Variants in PHC2 observed in about 807,000 individuals in gnomAD.
PHC2 encodes the protein polyhomeotic-like protein 2.
PHC2 carries 29 observed loss-of-function variants against 87.4 expected under a neutral mutation model. The ratio of observed to expected loss-of-function variants is 0.33; its 90% confidence interval spans 0.25 to 0.45. The LOEUF (loss-of-function observed/expected upper bound fraction) is 0.45. Among genes scored for constraint, PHC2 ranks in the 20% least tolerant of loss-of-function variants. The pLI, the probability that PHC2 is intolerant of heterozygous loss-of-function variation, is 1.00. For synonymous variants in PHC2, 438 were observed against 461.7 expected, an observed-to-expected ratio of 0.95 and a Z score of 0.66; for missense variants, 857 against 1,136.7, an observed-to-expected ratio of 0.75 and a Z score of 3.54.
intron 7 of PHC2, among the ~76,000 whole-genome samples, chr1:33,357,524 T>C (rs1020566097): frequency 6.6e-6 from 1 of 152,102 alleles, no homozygotes; most frequent in Admixed American, 6.6e-5. Context: ...AGGGGTTTAG[T>C]ATGGATGATA....
At chr1:33,410,030 T>C (rs535741321) in intron 1 of PHC2, among the ~76,000 whole-genome samples, 42 of 152,360 alleles carry the variant, frequency 2.8e-4, no homozygotes, top group African/African-American at 1.0e-3. Flanking sequence ...TTTTGTATAG[T>C]GCCGGTCAAT....
intron 1 of PHC2, among the ~76,000 whole-genome samples, chr1:33,428,148 G>C (rs1026409774): frequency 2.0e-5 from 3 of 152,230 alleles, no homozygotes; most frequent in African/African-American, 7.2e-5. Context: ...AGAAACTGAA[G>C]TCAAAGTCAT....
Position 33,364,005 on chromosome 1 carries a change from C to T in PHC2, c.976+3111G>A, listed in dbSNP as rs1292758961. 10 of 530,656 alleles carry T rather than the reference C, an allele frequency of 1.9e-5. No individual in the cohort carries two copies. Among genetic ancestry groups the T allele is most frequent in the Non-Finnish European group, 2.2e-5 (9 of 414,394 alleles). 32.9% of individuals were successfully genotyped at this position (530,656 alleles called of 1,614,324 possible). ...CTCCGCCCCTTACTCCCCTCCCCCA[C>T]CTGCTCCCCCACCCCTATTCTCGGC... On this transcript the variant is annotated intron_variant, in intron 7 of 14. Coordinates refer to ENST00000683057, the MANE Select transcript of PHC2 (RefSeq NM_001385109.1). This position sits in a 1 kb window ranked among gnomAD's most constrained non-coding sequence, Gnocchi z 4.1.
At chr1:33,335,200 T>C in intron 9 of PHC2, 2 of 985,422 alleles carry the variant, frequency 2.0e-6, no homozygotes, top group Non-Finnish European at 2.4e-6. Flanking sequence ...ACTTCCTCTC[T>C]TCCACTTCAA....
At chr1:33,422,216 C>G (rs1214908646) in intron 1 of PHC2, among the ~76,000 whole-genome samples, 1 of 152,154 alleles carries the variant, frequency 6.6e-6, no homozygotes, top group Non-Finnish European at 1.5e-5. Context: ...AAGCAGGGAC[C>G]ATACTTCTAT....
intron 1 of PHC2, among the ~76,000 whole-genome samples, chr1:33,403,123 CT>C (rs34887101): frequency 2.3e-3 from 172 of 74,644 alleles, no homozygotes; most frequent in East Asian, 9.8e-3. Flanking sequence ...GCCCGGCCCA[CT>C]TTTTTTTTTT....
At chr1:33,379,335 ACCCCCCCACCGCCCC>A (rs1648358679) in intron 1 of PHC2, among the ~76,000 whole-genome samples, 2 of 12,234 alleles carry the variant, frequency 1.6e-4, no homozygotes, top group African/African-American at 6.7e-4. Flanking sequence ...CCTGCCCCCC[ACCCCCCCACCGCCCC>A]CTGCCCCCCC....
rs573125100 is a variant in PHC2, at chr1:33,328,937, G to T, written c.2358C>A (p.His786Gln). Residue 786 changes from histidine to glutamine, a missense_variant, in exon 14 of 15, where the codon CAC becomes CAA. This residue lies in a region of PHC2 where 832 missense variants were observed against 1,081.8 expected (regional missense o/e 0.77). Coordinates refer to ENST00000683057, the MANE Select transcript of PHC2 (RefSeq NM_001385109.1). Reference protein sequence around the residue: ...HMRDLVGMGHHFLPSEPTKWN... With the variant: ...HMRDLVGMGHQFLPSEPTKWN... ...ACTTGGTGGGCTCACTTGGCAGGAA[G>T]TGGTGTCCCATGCCCACCAGGTCCC... 1.2e-6 allele frequency: 2 copies of T among 1,614,052 alleles called. No homozygotes were observed. The highest frequency in any genetic ancestry group is 2.7e-5 in the African/African-American group (2 of 75,054).
Position 33,331,378 on chromosome 1 carries a change from T to C in PHC2, c.1976A>G (p.Lys659Arg), listed in dbSNP as rs1459113984. The change falls in exon 12 of 15, where the codon AAG (lysine) becomes AGG (arginine). Residue 659 changes from lysine (K) to arginine (R), a missense_variant. Coordinates refer to ENST00000683057, the MANE Select transcript of PHC2 (RefSeq NM_001385109.1). The surrounding 1 kb of genome is among the most constrained non-coding windows in gnomAD (Gnocchi z 5.2). Reference sequence around the variant, plus strand: ...TGCACAAGCCATGGAACAGAAGCGCTTGGAACGCTTGAACTTATAGGCAAA... The same window carrying C: ...TGCACAAGCCATGGAACAGAAGCGCCTGGAACGCTTGAACTTATAGGCAAA... ...VDFAYKFKRS[K>R]RFCSMACAKR... The C allele has an allele frequency of 6.2e-7, 1 of 1,611,730 alleles. No homozygotes were observed. The highest frequency in any genetic ancestry group is 1.7e-5 in the Admixed American group (1 of 59,998).
At chr1:33,424,010 C>T (rs1424840126) in intron 1 of PHC2, among the ~76,000 whole-genome samples, 3 of 106,216 alleles carry the variant, frequency 2.8e-5, no homozygotes, top group East Asian at 3.0e-4. Context: ...GCAGGAGAAT[C>T]GCTTGAACCT....
At chr1:33,327,645 AGTG>A (rs1646400274) in intron 14 of PHC2, among the ~76,000 whole-genome samples, 1 of 152,272 alleles carries the variant, frequency 6.6e-6, no homozygotes, top group Non-Finnish European at 1.5e-5. Context: ...TAAAGGGCAC[AGTG>A]GCTTCTACCT....
chr1:33,429,215 T>C (rs563810295), intron 1 of PHC2, among the ~76,000 whole-genome samples: 12 of 152,248 alleles, frequency 7.9e-5, no homozygotes, highest in Admixed American at 2.0e-4. Flanking sequence ...TGGGAAGATA[T>C]GGGTGACAAA....
chr1:33,401,766 C>G lies in PHC2; in HGVS notation c.-54-26173G>C, dbSNP rs564449279. Among the ~76,000 whole-genome samples the G allele has an allele frequency of 1.4e-3, 206 of 152,268 alleles. 1 individual carries two copies. The highest frequency in any genetic ancestry group is 0.012 in the Admixed American group (186 of 15,298). On this transcript the variant is annotated intron_variant, in intron 1 of 14. Coordinates refer to ENST00000683057, the MANE Select transcript of PHC2 (RefSeq NM_001385109.1). ...GGTTTATCAGGTCAGTAGGGGAGGA[C>G]TGGACATCTCATTAAACAGTATGGG...
At chr1:33,350,099 C>G (rs984722061) in intron 9 of PHC2, among the ~76,000 whole-genome samples, 1 of 151,906 alleles carries the variant, frequency 6.6e-6, no homozygotes, top group South Asian at 2.1e-4. Context: ...CGCCACGCCA[C>G]GAGGAGGCTG....
In PHC2 at chr1:33,334,038, G is replaced by C; in HGVS notation, c.1761+52C>G. On this transcript the variant is annotated intron_variant, in intron 10 of 14. Transcript: ENST00000683057. This position sits in a 1 kb window ranked among gnomAD's most constrained non-coding sequence, Gnocchi z 5.5. ...ACATGGAAATGTAAAAATATTCTAA[G>C]ACACATCCAAAATATACTTAAAAAA... 3 of 1,449,832 alleles carry C rather than the reference G, an allele frequency of 2.1e-6. No homozygotes were observed. The highest frequency in any genetic ancestry group is 1.2e-5 in the South Asian group (1 of 81,924). 89.8% of individuals were successfully genotyped at this position (1,449,832 alleles called of 1,614,324 possible). A position where few individuals can be genotyped will look rare whatever the true frequency, so the allele number is the denominator to read the frequency against.
At position 33,372,427 on chromosome 1, in the gene PHC2, G is replaced by A; in HGVS notation, c.195C>T (p.His65=). The A allele has an allele frequency of 6.3e-7, 1 of 1,577,330 alleles. No homozygotes were observed. The highest frequency in any genetic ancestry group is 8.6e-7 in the Non-Finnish European group (1 of 1,158,214). The stretch of plus-strand genomic sequence containing the variant: ...ACTGAGCGGCCGTGCTGGGCTGTCT[G>A]TGCAGGGCCTGCTGGATCACCTGAG... ...QTVQVIQQAL[H]RQPSTAAQYL... The change falls in exon 3 of 15, where the codon CAC becomes CAT. Residue 65 remains histidine (H), a synonymous_variant. Coordinates refer to ENST00000683057, the MANE Select transcript of PHC2 (RefSeq NM_001385109.1).
chr1:33,350,799 TTCTCC>T lies in PHC2; in HGVS notation c.1558+3597_1558+3601del, dbSNP rs200390204. On this transcript the variant is annotated intron_variant, in intron 9 of 14. Coordinates refer to ENST00000683057, the MANE Select transcript of PHC2 (RefSeq NM_001385109.1). ...TCCCCGAATATTTACTTAGCTCCCT[TTCTCC>T]TCTATTTTTCAAATTTTCAACCCCC... is the stretch of plus-strand genomic sequence containing the variant. Among the ~76,000 whole-genome samples, 28 of 152,282 alleles carry T rather than the reference TTCTCC, an allele frequency of 1.8e-4. No individual in the cohort carries two copies. In the East Asian group the frequency reaches 5.2e-3, roughly 28 times the overall value.
chr1:33,364,425 C>CAT lies in PHC2; in HGVS notation c.976+2690_976+2691insAT. On this transcript the variant is annotated intron_variant, in intron 7 of 14. Transcript: ENST00000683057. The surrounding 1 kb of genome is among the most constrained non-coding windows in gnomAD (Gnocchi z 4.1). ...ACACACACACACACACACACACACA[C>CAT]GCTCAAGCACGCTCTTCTCTCCTGC... Among the ~76,000 whole-genome samples the CAT allele has an allele frequency of 6.6e-6, 1 of 151,980 alleles. No homozygotes were observed. The highest frequency in any genetic ancestry group is 2.4e-5 in the African/African-American group (1 of 41,394).
intron 9 of PHC2, among the ~76,000 whole-genome samples, chr1:33,353,740 T>C (rs896499539): frequency 6.6e-6 from 1 of 152,118 alleles, no homozygotes; most frequent in Non-Finnish European, 1.5e-5. Context: ...GGGCCAACAG[T>C]GCTGTGCAAA....
Sources: allele counts gnomAD v4.1 joint callset (sites outside exome capture counted in the v4.1 genomes callset), GRCh38; gene constraint gnomAD v4.1.1; regional missense constraint gnomAD v4.1.1; non-coding constraint Gnocchi (gnomAD v3.1); transcripts MANE v1.5; gene names NCBI Gene and HGNC (gene_info 2026-07-23, HGNC 2026-07-21).